The following COL28A1 variants were observed in gnomAD, a reference collection of about 807,000 sequenced individuals.
COL28A1 encodes collagen alpha-1(XXVIII) chain.
Under a neutral mutation model 150.2 loss-of-function variants are expected in COL28A1, and 161 were observed. The observed-to-expected ratio is 1.07, with a 90% CI of 0.94 to 1.22. The LOEUF is 1.22. Ranked by LOEUF, COL28A1 falls within the 50% of genes most tolerant of loss-of-function variation. The pLI, the probability that COL28A1 is intolerant of heterozygous loss-of-function variation, is 0.00. For synonymous variants in COL28A1, 552 were observed against 469.7 expected, an observed-to-expected ratio of 1.18 and a Z score of -2.26; for missense variants, 1,617 against 1,388.3, an observed-to-expected ratio of 1.16 and a Z score of -2.62.
chr7:7,434,361 G>C (rs1356162261), intron 23 of COL28A1, among the ~76,000 whole-genome samples: 1 of 152,092 alleles, frequency 6.6e-6, no homozygotes, highest in Non-Finnish European at 1.5e-5. Flanking sequence ...TGCTATTCCA[G>C]TTACATTTAA....
chr7:7,477,135 C>T lies in COL28A1; in HGVS notation c.1210G>A (p.Gly404Arg), dbSNP rs200523102. The T allele has an allele frequency of 1.2e-4, 160 of 1,344,594 alleles. No individual in the cohort carries two copies. The highest frequency in any genetic ancestry group is 1.5e-4 in the Non-Finnish European group (138 of 933,582). 83.3% of individuals were successfully genotyped at this position (1,344,594 alleles called of 1,614,324 possible). A position where few individuals can be genotyped will look rare whatever the true frequency, so the allele number is the denominator to read the frequency against. ...ACCTTTGGTCCTGGAAATCCTTCTC[C>T]GGGTAAGCCCCTCTCTCCTGGTACT... The part of the protein sequence containing the change: ...EGVPGERGLP[G>R]EGFPGPKGEK... Residue 404 changes from glycine (G) to arginine (R), a missense_variant, in exon 14 of 35, where the codon GGA becomes AGA. Physicochemically the swap from Gly to Arg is moderately radical, Grantham distance 125. Coordinates refer to ENST00000399429, the MANE Select transcript of COL28A1 (RefSeq NM_001037763.3).
chr7:7,362,032 G>C (rs1780695491), intron 33 of COL28A1, among the ~76,000 whole-genome samples: 2 of 152,104 alleles, frequency 1.3e-5, no homozygotes, highest in Non-Finnish European at 2.9e-5. Context: ...GCCTGTCTGT[G>C]GGTGGGGGCC....
chr7:7,412,773 A>G (rs1196735408), intron 27 of COL28A1, among the ~76,000 whole-genome samples: 1 of 152,052 alleles, frequency 6.6e-6, no homozygotes, highest in African/African-American at 2.4e-5. Context: ...TGGAATATCA[A>G]CTCTGTGTCC....
intron 21 of COL28A1, among the ~76,000 whole-genome samples, chr7:7,440,402 T>G (rs904475791): frequency 4.6e-5 from 7 of 152,196 alleles, no homozygotes; most frequent in African/African-American, 1.7e-4. Context: ...CAATCAGCCT[T>G]CCAAAGAAGA....
At chr7:7,451,804 T>A (rs182572674) in intron 18 of COL28A1, among the ~76,000 whole-genome samples, 121 of 152,294 alleles carry the variant, frequency 7.9e-4, no homozygotes, top group Admixed American at 2.3e-3. Context: ...TACTTTTTTA[T>A]CCTTTGTAAT....
At position 7,386,927 on chromosome 7, in the gene COL28A1, G is replaced by C. The variant is rs1782220245; in HGVS notation, c.2137-5315C>G. On this transcript the variant is annotated intron_variant, in intron 27 of 34. Transcript: ENST00000399429. ...CAAGGAATTGGCAAATTCAGTGTCT[G>C]GTGAGGGTCCATTTCCTGGTTCATA... 2.0e-5 allele frequency among the ~76,000 whole-genome samples: 3 copies of C among 152,284 alleles called. No homozygotes were observed. The South Asian group carries it at 6.2e-4, about 32-fold the overall frequency.
intron 27 of COL28A1, among the ~76,000 whole-genome samples, chr7:7,387,919 T>C (rs750739442): frequency 3.9e-5 from 6 of 152,186 alleles, no homozygotes; most frequent in Non-Finnish European, 8.8e-5. Flanking sequence ...TGTGGATTTC[T>C]CCCTACGCAG....
chr7:7,418,896 ATTGAG>A (rs1784247934), intron 26 of COL28A1, among the ~76,000 whole-genome samples: 1 of 152,202 alleles, frequency 6.6e-6, no homozygotes, highest in Admixed American at 6.5e-5. Flanking sequence ...TACCGCCAAA[ATTGAG>A]TTGAGGGACA....
At chr7:7,409,748 G>T (rs1276549301) in intron 27 of COL28A1, among the ~76,000 whole-genome samples, 1 of 152,136 alleles carries the variant, frequency 6.6e-6, no homozygotes, top group Non-Finnish European at 1.5e-5. Context: ...ATTCAAAAAC[G>T]TGATTTCAAA....
chr7:7,413,602 T>G (rs1783906378), intron 27 of COL28A1, among the ~76,000 whole-genome samples: 1 of 152,200 alleles, frequency 6.6e-6, no homozygotes, highest in South Asian at 2.1e-4. Context: ...CCTTTTTGCC[T>G]GCTGGGTTTA....
chr7:7,543,389 G>C, the COL28A1 span, among the ~76,000 whole-genome samples: 10 of 152,256 alleles, frequency 6.6e-5, no homozygotes, highest in Non-Finnish European at 1.3e-4. Context: ...CATTTTCTTA[G>C]TTTTTTTCTT....
At chr7:7,481,644 G>C (rs893662972) in intron 13 of COL28A1, among the ~76,000 whole-genome samples, 1 of 152,138 alleles carries the variant, frequency 6.6e-6, no homozygotes, top group African/African-American at 2.4e-5. Flanking sequence ...AGCCTGATCA[G>C]TGAAATGCTT....
At chr7:7,484,594 A>G (rs1779522956) in intron 13 of COL28A1, among the ~76,000 whole-genome samples, 1 of 152,172 alleles carries the variant, frequency 6.6e-6, no homozygotes, top group Non-Finnish European at 1.5e-5. Flanking sequence ...AACTAAGTCA[A>G]TAGGAATGAT....
At chr7:7,405,607 G>A (rs778160252) in intron 27 of COL28A1, among the ~76,000 whole-genome samples, 2 of 152,066 alleles carry the variant, frequency 1.3e-5, no homozygotes, top group Non-Finnish European at 2.9e-5. Flanking sequence ...CCAACAAAGA[G>A]GAATTGTAAT....
intron 5 of COL28A1, among the ~76,000 whole-genome samples, chr7:7,521,595 T>C (rs1781727772): frequency 6.6e-6 from 1 of 152,234 alleles, no homozygotes; most frequent in Non-Finnish European, 1.5e-5. Context: ...TATTAGCTTT[T>C]TCTGTATTCA....
At chr7:7,402,292 T>C (rs1236102275) in intron 27 of COL28A1, among the ~76,000 whole-genome samples, 1 of 152,264 alleles carries the variant, frequency 6.6e-6, no homozygotes, top group Non-Finnish European at 1.5e-5. Context: ...AATGTCATTA[T>C]CTTATGCAAT....
rs375919678 is a variant in COL28A1, at chr7:7,525,752, C to G, written c.682-1503G>C. On this transcript the variant is annotated intron_variant, in intron 3 of 34. Transcript: ENST00000399429. ...ATGATTTAATAGGGAAAAAATTAGG[C>G]TGGGAATTAAGTGTCATTCTGGGTT... Among the ~76,000 whole-genome samples the G allele has an allele frequency of 3.3e-5, 5 of 152,114 alleles. No individual in the cohort carries two copies. In the South Asian group the frequency reaches 1.0e-3, roughly 32 times the overall value.
At chr7:7,457,280 T>G (rs193157153) in intron 15 of COL28A1, among the ~76,000 whole-genome samples, 10 of 152,206 alleles carry the variant, frequency 6.6e-5, no homozygotes, top group Admixed American at 6.5e-4. Flanking sequence ...GGGGTCTGCA[T>G]GAGAGATGAT....
chr7:7,394,137 G>A (rs1782710195), intron 27 of COL28A1, among the ~76,000 whole-genome samples: 1 of 152,184 alleles, frequency 6.6e-6, no homozygotes, highest in East Asian at 1.9e-4. Context: ...GGACCAGAGT[G>A]CACCGTTCCT....
Sources: gnomAD v4.1 joint callset for allele counts (sites outside exome capture counted in the v4.1 genomes callset) on GRCh38, gnomAD v4.1.1 for gene constraint, MANE v1.5 for transcripts, NCBI Gene and HGNC (gene_info 2026-07-23, HGNC 2026-07-21) for gene names.